Variants in SLC12A6 observed in about 807,000 individuals in gnomAD.
SLC12A6 encodes K-Cl cotransporter 3.
SLC12A6 carries 66 observed loss-of-function variants against 135.3 expected under a neutral mutation model. That is an observed-to-expected ratio of 0.49 (90% CI 0.40 to 0.60). The LOEUF is 0.60. Ranked by LOEUF, SLC12A6 falls within the 20% of genes least tolerant of loss-of-function variation. SLC12A6 has a pLI of 0.00. For missense variants in SLC12A6, 1,058 were observed against 1,452.3 expected, an observed-to-expected ratio of 0.73 and a Z score of 4.41; for synonymous variants, 513 against 508.8, an observed-to-expected ratio of 1.01 and a Z score of -0.11.
chr15:34,238,929 T>C lies in SLC12A6; in HGVS notation c.2632+36A>G, dbSNP rs374333781. The C allele has an allele frequency of 9.7e-5, 150 of 1,553,334 alleles. No individual in the cohort carries two copies. In the Middle Eastern group the frequency reaches 1.9e-3, roughly 19 times the overall value. On this transcript the variant is annotated intron_variant, in intron 20 of 25. Coordinates refer to ENST00000354181, the MANE Select transcript of SLC12A6 (RefSeq NM_001365088.1). ...AGAGATTTAACTATATACCCTCGAC[T>C]TGGGCCTTTAGGTTTGTATGAGAAA...
chr15:34,302,957 C>CAAA (rs35647149), intron 2 of SLC12A6, among the ~76,000 whole-genome samples: 6 of 83,254 alleles, frequency 7.2e-5, no homozygotes, highest in East Asian at 3.5e-4. Context: ...GACCCTGTCT[C>CAAA]AAAAAAAAAA....
In SLC12A6 at chr15:34,285,677, A is replaced by C. The variant is rs1447420224; in HGVS notation, c.272-10288T>G. On this transcript the variant is annotated intron_variant, in intron 2 of 25. Transcript: ENST00000354181. ...CCAAATGTCCACTAATGGATGAATAAACAAAATGTGCTATATGTGTGTGTG... is the reference window on the plus strand; with the variant it reads ...CCAAATGTCCACTAATGGATGAATACACAAAATGTGCTATATGTGTGTGTG... Among the ~76,000 whole-genome samples the C allele has an allele frequency of 9.2e-5, 5 of 54,300 alleles. No individual in the cohort carries two copies. In the East Asian group the frequency reaches 3.3e-3, roughly 36 times the overall value. 35.6% of individuals were successfully genotyped at this position (54,300 alleles called of 152,430 possible).
intron 2 of SLC12A6, chr15:34,318,728 A>C: frequency 6.2e-7 from 1 of 1,611,000 alleles, no homozygotes; most frequent in Non-Finnish European, 8.5e-7. Context: ...ACTTCCTTCC[A>C]GTTAGTTTTC....
chr15:34,306,458 T>C (rs1896619385), intron 2 of SLC12A6, among the ~76,000 whole-genome samples: 1 of 152,246 alleles, frequency 6.6e-6, no homozygotes, highest in Admixed American at 6.5e-5. Context: ...TTCTTATGCT[T>C]ATCCTGAGAT....
chr15:34,280,418 A>G (rs543009417), intron 2 of SLC12A6, among the ~76,000 whole-genome samples: 26 of 152,328 alleles, frequency 1.7e-4, no homozygotes, highest in African/African-American at 6.3e-4. Context: ...TTGTTTCAGG[A>G]AAACAAACAA....
chr15:34,288,104 G>C (rs1895239390), intron 2 of SLC12A6, among the ~76,000 whole-genome samples: 2 of 152,078 alleles, frequency 1.3e-5, no homozygotes, highest in Non-Finnish European at 1.5e-5. Flanking sequence ...GATTTTTATG[G>C]TCCTAGGTCT....
intron 2 of SLC12A6, among the ~76,000 whole-genome samples, chr15:34,307,262 A>G (rs1304867814): frequency 6.6e-6 from 1 of 152,252 alleles, no homozygotes; most frequent in Non-Finnish European, 1.5e-5. Flanking sequence ...TCTAAAAAAT[A>G]AAGAAGAATA....
In SLC12A6 at chr15:34,251,154, A is replaced by G. The variant is rs140089726; in HGVS notation, c.1334-97T>C. On this transcript the variant is annotated intron_variant, in intron 10 of 25. Transcript: ENST00000354181. The stretch of plus-strand genomic sequence containing the variant: ...ACATTCAAAATCAGGCTCCTCATTT[A>G]TACAGTTTCTAAAGGTGTGTTTGCT... The G allele has an allele frequency of 2.9e-5, 26 of 910,048 alleles. No individual in the cohort carries two copies. The East Asian group carries it at 6.2e-4, about 22-fold the overall frequency. The allele number at this position is 910,048 out of a possible 1,614,324, so 56.4% of individuals were successfully genotyped here.
At chr15:34,260,110 G>C (rs78525210) in intron 4 of SLC12A6, among the ~76,000 whole-genome samples, 1 of 152,084 alleles carries the variant, frequency 6.6e-6, no homozygotes, top group Non-Finnish European at 1.5e-5. Context: ...ATAAGTATAC[G>C]AGGTGATATA....
intron 2 of SLC12A6, among the ~76,000 whole-genome samples, chr15:34,286,715 G>C (rs1895105349): frequency 6.6e-6 from 1 of 152,076 alleles, no homozygotes; most frequent in African/African-American, 2.4e-5. Context: ...AGAATCGCTT[G>C]AACCTGGCAG....
intron 13 of SLC12A6, among the ~76,000 whole-genome samples, chr15:34,246,699 TAC>T (rs1234487736): frequency 6.6e-6 from 1 of 151,900 alleles, no homozygotes; most frequent in African/African-American, 2.4e-5. Flanking sequence ...AAGGCTGGAG[TAC>T]AGTGACGCTA....
rs187892791 is a variant in SLC12A6, at chr15:34,268,545, T to C, written c.316+6800A>G. On this transcript the variant is annotated intron_variant, in intron 3 of 25. Transcript: ENST00000354181. ...AAAGGCATGAAATTAGAAGTGATTA[T>C]ATTGAAAGGCAAGGATTAATTTTTG... Among the ~76,000 whole-genome samples, 256 of 152,284 alleles carry C rather than the reference T, an allele frequency of 1.7e-3. 1 individual carries two copies. The highest frequency in any genetic ancestry group is 2.6e-3 in the Non-Finnish European group (174 of 68,016).
At chr15:34,334,622 T>C (rs753791064) in intron 2 of SLC12A6, among the ~76,000 whole-genome samples, 1 of 152,290 alleles carries the variant, frequency 6.6e-6, no homozygotes, top group Admixed American at 6.5e-5. Flanking sequence ...TCCACGAGAA[T>C]AGGGCAAAGT....
At chr15:34,261,561 G>A (rs191653199) in intron 3 of SLC12A6, among the ~76,000 whole-genome samples, 3 of 152,286 alleles carry the variant, frequency 2.0e-5, no homozygotes, top group Admixed American at 2.0e-4. Context: ...GCCTCCCAAA[G>A]TGCTGGGATT....
chr15:34,245,483 A>T (rs1891918126), intron 14 of SLC12A6, 80 bp from the exon 15 acceptor site: 1 of 938,288 alleles, frequency 1.1e-6, no homozygotes, highest in Non-Finnish European at 1.8e-6. Flanking sequence ...GTTTTCAGAC[A>T]TCTGGAAGAC....
At chr15:34,308,944 G>T (rs1218073250) in intron 2 of SLC12A6, among the ~76,000 whole-genome samples, 1 of 152,138 alleles carries the variant, frequency 6.6e-6, no homozygotes, top group African/African-American at 2.4e-5. Context: ...AATGGCTTTA[G>T]AGCTACACAG....
intron 2 of SLC12A6, among the ~76,000 whole-genome samples, chr15:34,314,212 T>A (rs1353537916): frequency 6.6e-6 from 1 of 152,076 alleles, no homozygotes; most frequent in African/African-American, 2.4e-5. Context: ...CCACGCCCAG[T>A]TAATTTTTGC....
At chr15:34,270,275 GA>G (rs1294677658) in intron 3 of SLC12A6, among the ~76,000 whole-genome samples, 1 of 149,200 alleles carries the variant, frequency 6.7e-6, no homozygotes, top group Admixed American at 6.6e-5. Context: ...CTTTTTTGTA[GA>G]GATGGGTTCT....
Position 34,232,628 on chromosome 15 carries a change from AAG to A in SLC12A6, c.*1251_*1252del, listed in dbSNP as rs1435685007. On this transcript the variant is annotated 3_prime_UTR_variant, in exon 26 of 26. Coordinates refer to ENST00000354181, the MANE Select transcript of SLC12A6 (RefSeq NM_001365088.1). ...GAATGAAGAATAAAATTGAAAGAAA[AAG>A]GGGGAAATGCTTATACTTGGCATTA... 1.4e-4 allele frequency: 22 copies of A among 152,628 alleles called. No individual in the cohort carries two copies. Among genetic ancestry groups the A allele is most frequent in the African/African-American group, 4.6e-4 (19 of 41,446 alleles). The allele number at this position is 152,628 out of a possible 1,614,324, so 9.5% of individuals were successfully genotyped here. A position where few individuals can be genotyped will look rare whatever the true frequency, so the allele number is the denominator to read the frequency against.
Sources: allele counts gnomAD v4.1 joint callset (sites outside exome capture counted in the v4.1 genomes callset), GRCh38; gene constraint gnomAD v4.1.1; transcripts MANE v1.5; gene names NCBI Gene and HGNC (gene_info 2026-07-23, HGNC 2026-07-21).